SCFD1: variants seen among roughly 807,000 people sequenced by gnomAD.
SCFD1 encodes the protein sec1 family domain-containing protein 1.
SCFD1 carries 37 observed loss-of-function variants against 103.2 expected under a neutral mutation model. The observed-to-expected ratio is 0.36, with a 90% CI of 0.28 to 0.47. The LOEUF (loss-of-function observed/expected upper bound fraction) is 0.47, where lower values mean the gene tolerates loss of function less well. Ranked by LOEUF, SCFD1 falls within the 20% of genes least tolerant of loss-of-function variation. The pLI is 1.00. For missense variants in SCFD1, 639 were observed against 761.2 expected, an observed-to-expected ratio of 0.84 and a Z score of 1.89; for synonymous variants, 264 against 245.0, an observed-to-expected ratio of 1.08 and a Z score of -0.73.
At chr14:30,637,643 TAAG>T (rs1009341297) in intron 4 of SCFD1, among the ~76,000 whole-genome samples, 53 of 152,160 alleles carry the variant, frequency 3.5e-4, no homozygotes, top group African/African-American at 1.3e-3. Flanking sequence ...AAATTTGACT[TAAG>T]AATTTGCATA....
chr14:30,671,212 T>G (rs1216646628), intron 11 of SCFD1, among the ~76,000 whole-genome samples: 2 of 152,104 alleles, frequency 1.3e-5, no homozygotes, highest in Non-Finnish European at 2.9e-5. Flanking sequence ...TTTTTTTACT[T>G]ACAACTTTTT....
intron 20 of SCFD1, 86 bp from the exon 21 acceptor site, chr14:30,719,239 A>G (rs1892486178): frequency 2.5e-6 from 2 of 796,826 alleles, no homozygotes; most frequent in Non-Finnish European, 4.3e-6. Flanking sequence ...AAATTGATAG[A>G]TTCATTAAAA....
At chr14:30,624,891 G>A (rs1165437333) in intron 1 of SCFD1, among the ~76,000 whole-genome samples, 2 of 151,950 alleles carry the variant, frequency 1.3e-5, no homozygotes, top group Admixed American at 1.3e-4. Context: ...CTTCTTTGTG[G>A]AGTACTGTTT....
chr14:30,733,436 T>C (rs1230082780), intron 23 of SCFD1, among the ~76,000 whole-genome samples: 4 of 152,226 alleles, frequency 2.6e-5, no homozygotes, highest in African/African-American at 7.2e-5. Context: ...CTACACTTCA[T>C]TGGATGGCTA....
chr14:30,650,741 T>C (rs1268675047), intron 9 of SCFD1, 91 bp downstream of exon 9: 17 of 733,580 alleles, frequency 2.3e-5, no homozygotes, highest in Non-Finnish European at 3.5e-5. Context: ...ATCCTTGTAA[T>C]TGAAATTTGT....
At chr14:30,679,443 G>A (rs184891958) in intron 14 of SCFD1, among the ~76,000 whole-genome samples, 1 of 152,098 alleles carries the variant, frequency 6.6e-6, no homozygotes, top group East Asian at 1.9e-4. Context: ...TGTATTTTAC[G>A]GAAATTGCTT....
At chr14:30,680,372 CT>C (rs959610657) in intron 14 of SCFD1, among the ~76,000 whole-genome samples, 1 of 151,246 alleles carries the variant, frequency 6.6e-6, no homozygotes, top group Non-Finnish European at 1.5e-5. Context: ...GGAGAATGAA[CT>C]TTTTTTTTCA....
chr14:30,698,504 C>T (rs1278615462), intron 15 of SCFD1, among the ~76,000 whole-genome samples: 1 of 152,140 alleles, frequency 6.6e-6, no homozygotes, highest in Non-Finnish European at 1.5e-5. Context: ...TTAGAAAAGG[C>T]TGTGCTAGAT....
intron 1 of SCFD1, among the ~76,000 whole-genome samples, chr14:30,627,792 C>T (rs1883656767): frequency 6.8e-6 from 1 of 147,330 alleles, no homozygotes; most frequent in Non-Finnish European, 1.5e-5. Context: ...TCTCACTAGG[C>T]CACTCACACT....
At chr14:30,661,627 C>T (rs1887458772) in intron 10 of SCFD1, among the ~76,000 whole-genome samples, 2 of 151,954 alleles carry the variant, frequency 1.3e-5, no homozygotes, top group African/African-American at 4.8e-5. Context: ...TTGATGTCTC[C>T]GTAAGAAATA....
At chr14:30,667,286 C>T (rs1043551513) in intron 10 of SCFD1, among the ~76,000 whole-genome samples, 4 of 152,186 alleles carry the variant, frequency 2.6e-5, no homozygotes, top group African/African-American at 4.8e-5. Context: ...ATCATATAAA[C>T]AGAACCAAAG....
chr14:30,719,395 T>A lies in SCFD1; in HGVS notation c.1736+18T>A. On this transcript the variant is annotated intron_variant, in intron 21 of 24. Transcript: ENST00000458591. ...AATGACAGGTAAGCAGCTTTTGTCT[T>A]GTTTAACTTGTGGATTTTTTCCCCT... 1 of 1,589,756 alleles carries A rather than the reference T, an allele frequency of 6.3e-7. No individual in the cohort carries two copies. Among genetic ancestry groups the A allele is most frequent in the South Asian group, 1.1e-5 (1 of 87,856 alleles).
chr14:30,679,478 T>G (rs1351666583), intron 14 of SCFD1, among the ~76,000 whole-genome samples: 1 of 152,156 alleles, frequency 6.6e-6, no homozygotes, highest in African/African-American at 2.4e-5. Flanking sequence ...AATTTTTTAT[T>G]CCACTCCCAA....
At chr14:30,726,248 T>C (rs1023345561) in intron 23 of SCFD1, among the ~76,000 whole-genome samples, 2 of 152,236 alleles carry the variant, frequency 1.3e-5, no homozygotes, top group African/African-American at 4.8e-5. Context: ...TTGTTCTTAA[T>C]CATGTACAAG....
intron 24 of SCFD1, 121 bp downstream of exon 24, chr14:30,734,979 C>A: frequency 1.4e-6 from 1 of 695,532 alleles, no homozygotes. Flanking sequence ...AGCCATCCAG[C>A]TATACCAAGA....
chr14:30,730,842 C>T (rs1375484266), intron 23 of SCFD1, among the ~76,000 whole-genome samples: 2 of 152,150 alleles, frequency 1.3e-5, no homozygotes, highest in African/African-American at 4.8e-5. Context: ...TGTGCAGAAG[C>T]TCCTTAGTTT....
chr14:30,644,715 A>G (rs879541778), intron 7 of SCFD1, among the ~76,000 whole-genome samples: 1 of 151,814 alleles, frequency 6.6e-6, no homozygotes, highest in Non-Finnish European at 1.5e-5. Flanking sequence ...TTGCTTGTCG[A>G]TTTGTTTAAG....
At chr14:30,732,186 A>G (rs1184935332) in intron 23 of SCFD1, among the ~76,000 whole-genome samples, 3 of 152,112 alleles carry the variant, frequency 2.0e-5, no homozygotes, top group African/African-American at 7.2e-5. Flanking sequence ...AGCCTTGCTG[A>G]GTTTATTAGT....
intron 11 of SCFD1, among the ~76,000 whole-genome samples, chr14:30,670,824 T>C (rs892847573): frequency 3.3e-5 from 5 of 152,042 alleles, no homozygotes; most frequent in African/African-American, 9.7e-5. Flanking sequence ...CCTAGAAATT[T>C]ATTCAAAGTA....
Sources: gnomAD v4.1 joint callset for allele counts (sites outside exome capture counted in the v4.1 genomes callset) on GRCh38, gnomAD v4.1.1 for gene constraint, MANE v1.5 for transcripts, NCBI Gene and HGNC (gene_info 2026-07-23, HGNC 2026-07-21) for gene names.